The following ERBB4 variants were observed in gnomAD, a reference collection of about 807,000 sequenced individuals.
ERBB4 encodes erb-b2 receptor tyrosine kinase 4.
A neutral mutation model predicts 158.0 loss-of-function variants in ERBB4; 42 were observed. The observed-to-expected ratio is 0.27, with a 90% CI of 0.21 to 0.34. The LOEUF (loss-of-function observed/expected upper bound fraction) is 0.34, where lower values mean the gene tolerates loss of function less well. Among genes scored for constraint, ERBB4 ranks in the 10% least tolerant of loss-of-function variants. ERBB4 has a pLI of 1.00. For synonymous variants in ERBB4, 583 were observed against 558.7 expected (o/e 1.04, Z -0.61); for missense variants, 1,333 against 1,624.1 (o/e 0.82, Z 3.08).
chr2:212,027,328 G>A (rs1276552494), intron 2 of ERBB4, among the ~76,000 whole-genome samples: 3 of 151,926 alleles, frequency 2.0e-5, no homozygotes, highest in Non-Finnish European at 4.4e-5. Context: ...CTAGTGATGG[G>A]TCACATGATC....
chr2:212,192,115 A>ATATATATTATATAAGTTATATAT (rs1351695688), intron 1 of ERBB4, among the ~76,000 whole-genome samples: 4 of 101,694 alleles, frequency 3.9e-5, no homozygotes, highest in Admixed American at 1.3e-4. Context: ...ATTATATATT[A>ATATATATTATATAAGTTATATAT]TATATATTAT....
chr2:211,585,112 G>C (rs911073882), intron 19 of ERBB4, among the ~76,000 whole-genome samples: 2 of 152,068 alleles, frequency 1.3e-5, no homozygotes, highest in African/African-American at 4.8e-5. Context: ...CAGCACTTTA[G>C]GAGGCCGAGG....
intron 4 of ERBB4, among the ~76,000 whole-genome samples, chr2:211,783,172 C>A (rs1254802036): frequency 6.6e-6 from 1 of 152,148 alleles, no homozygotes; most frequent in Admixed American, 6.5e-5. Context: ...CTCTGTTTGT[C>A]TGTTATTGAT....
intron 14 of ERBB4, among the ~76,000 whole-genome samples, chr2:211,668,828 C>T: frequency 6.6e-6 from 1 of 151,972 alleles, no homozygotes; most frequent in East Asian, 1.9e-4. Flanking sequence ...ACTCACAGAC[C>T]CCATGTAGAA....
At chr2:212,210,855 C>A (rs1230834715) in intron 1 of ERBB4, among the ~76,000 whole-genome samples, 1 of 152,022 alleles carries the variant, frequency 6.6e-6, no homozygotes, top group Non-Finnish European at 1.5e-5. Flanking sequence ...TATCTCCAAC[C>A]TAGACAATAT....
chr2:211,757,667 G>A (rs1242694714), intron 4 of ERBB4, among the ~76,000 whole-genome samples: 1 of 152,188 alleles, frequency 6.6e-6, no homozygotes, highest in Non-Finnish European at 1.5e-5. Context: ...GACTGCCAGT[G>A]CACAAAGTAT....
intron 2 of ERBB4, among the ~76,000 whole-genome samples, chr2:212,059,141 C>A (rs1414720474): frequency 1.3e-5 from 2 of 152,142 alleles, no homozygotes; most frequent in Non-Finnish European, 2.9e-5. Context: ...TTCCTATACA[C>A]CAATAACAGA....
At chr2:212,180,714 A>T (rs1176889810) in intron 1 of ERBB4, among the ~76,000 whole-genome samples, 1 of 151,728 alleles carries the variant, frequency 6.6e-6, no homozygotes, top group African/African-American at 2.4e-5. Context: ...GTGCAGATTT[A>T]TTATTTCCTA....
In ERBB4 at chr2:212,015,123, G is replaced by A. The variant is rs9679598; in HGVS notation, c.235-67507C>T. Among the ~76,000 whole-genome samples the A allele has an allele frequency of 2.7e-3, 329 of 123,986 alleles. 3 individuals carry two copies. Among genetic ancestry groups the A allele is most frequent in the Middle Eastern group, 8.6e-3 (2 of 232 alleles). 81.3% of individuals were successfully genotyped at this position (123,986 alleles called of 152,430 possible). A position where few individuals can be genotyped will look rare whatever the true frequency, so the allele number is the denominator to read the frequency against. Reference sequence around the variant, plus strand: ...ATATATATATATATAAAAATTAGCCGGGCATGGTGGCGGGTGCCTGTAGTC... The same window carrying A: ...ATATATATATATATAAAAATTAGCCAGGCATGGTGGCGGGTGCCTGTAGTC... On this transcript the variant is annotated intron_variant, in intron 2 of 27. Coordinates refer to ENST00000342788, the MANE Select transcript of ERBB4 (RefSeq NM_005235.3).
intron 3 of ERBB4, among the ~76,000 whole-genome samples, chr2:211,796,553 T>A (rs551532474): frequency 1.3e-5 from 2 of 151,968 alleles, no homozygotes; most frequent in African/African-American, 4.8e-5. Flanking sequence ...TGCCCATTAG[T>A]AGTATATGAG....
chr2:212,313,306 T>C lies in ERBB4; in HGVS notation c.83-188403A>G, dbSNP rs889989131. On this transcript the variant is annotated intron_variant, in intron 1 of 27. Coordinates refer to ENST00000342788, the MANE Select transcript of ERBB4 (RefSeq NM_005235.3). ...TATCAAATAAGGTAAATAAAAGATA[T>C]CAACTAGAGGTCTTACAACTTTTGA... is the stretch of plus-strand genomic sequence containing the variant. Among the ~76,000 whole-genome samples the C allele has an allele frequency of 6.6e-5, 10 of 150,996 alleles. 1 individual carries two copies. Among genetic ancestry groups the C allele is most frequent in the South Asian group, 4.2e-4 (2 of 4,818 alleles).
At chr2:211,999,741 G>T (rs1385014054) in intron 2 of ERBB4, among the ~76,000 whole-genome samples, 1 of 151,594 alleles carries the variant, frequency 6.6e-6, no homozygotes, top group Admixed American at 6.6e-5. Context: ...TATAATTTTT[G>T]TGTGTGTTGA....
chr2:211,622,633 T>C (rs558801900), intron 18 of ERBB4, among the ~76,000 whole-genome samples: 7 of 152,088 alleles, frequency 4.6e-5, no homozygotes, highest in African/African-American at 1.7e-4. Flanking sequence ...TTAACAGATA[T>C]GTTTGTAAAA....
chr2:212,254,938 T>C (rs2084671373), intron 1 of ERBB4, among the ~76,000 whole-genome samples: 1 of 152,186 alleles, frequency 6.6e-6, no homozygotes, highest in Non-Finnish European at 1.5e-5. Flanking sequence ...TTCAAAACAT[T>C]CAGATGTCAC....
At chr2:212,099,530 T>C (rs1227393160) in intron 2 of ERBB4, among the ~76,000 whole-genome samples, 2 of 152,172 alleles carry the variant, frequency 1.3e-5, no homozygotes, top group African/African-American at 4.8e-5. Context: ...ATGGCCTTAA[T>C]AGCAAGGCAC....
At chr2:212,456,269 T>A (rs1358857297) in intron 1 of ERBB4, among the ~76,000 whole-genome samples, 2 of 152,072 alleles carry the variant, frequency 1.3e-5, no homozygotes, top group Admixed American at 1.3e-4. Context: ...AATATGTAGA[T>A]TAAGAAAAAT....
intron 20 of ERBB4, among the ~76,000 whole-genome samples, chr2:211,500,639 A>G (rs529339687): frequency 2.0e-5 from 3 of 152,230 alleles, no homozygotes; most frequent in South Asian, 2.1e-4. Context: ...TGAAACATCC[A>G]AAGAGTCACA....
At chr2:211,706,620 A>AC (rs1341693583) in intron 9 of ERBB4, among the ~76,000 whole-genome samples, 62 of 152,148 alleles carry the variant, frequency 4.1e-4, no homozygotes, top group African/African-American at 1.4e-3. Context: ...AAAAAACAAA[A>AC]AAAACTTTGC....
At chr2:211,798,375 G>T (rs185533675) in intron 3 of ERBB4, among the ~76,000 whole-genome samples, 39 of 152,076 alleles carry the variant, frequency 2.6e-4, no homozygotes, top group Admixed American at 2.6e-3. Flanking sequence ...ATTCCAGTCT[G>T]TGAATATACC....
Sources: allele counts gnomAD v4.1 joint callset (sites outside exome capture counted in the v4.1 genomes callset), GRCh38; gene constraint gnomAD v4.1.1; transcripts MANE v1.5; gene names NCBI Gene and HGNC (gene_info 2026-07-23, HGNC 2026-07-21).